Variants in GRIN2B observed in about 807,000 individuals in gnomAD.
GRIN2B encodes glutamate receptor ionotropic, NMDA 2B.
GRIN2B carries 5 observed loss-of-function variants against 114.5 expected under a neutral mutation model. The ratio of observed to expected loss-of-function variants is 0.04; its 90% CI spans 0.02 to 0.09. The LOEUF (loss-of-function observed/expected upper bound fraction) is 0.09, where lower values mean the gene tolerates loss of function less well. Ranked by LOEUF, GRIN2B falls within the 10% of genes least tolerant of loss-of-function variation. The probability of loss-of-function intolerance (pLI) is 1.00; values close to 1 mark genes in which losing one functional copy is unlikely to be tolerated. For synonymous variants in GRIN2B, 787 were observed against 745.1 expected (o/e 1.06, Z -0.92); for missense variants, 1,108 against 1,943.5 (o/e 0.57, Z 8.08).
intron 9 of GRIN2B, among the ~76,000 whole-genome samples, chr12:13,609,770 C>T (rs1202049324): frequency 1.5e-5 from 2 of 135,790 alleles, no homozygotes; most frequent in Non-Finnish European, 3.2e-5. Flanking sequence ...AAGACTCTGT[C>T]TCAAAAAAAA....
rs556518056 is a variant in GRIN2B at position 13,817,002 on chromosome 12, A to C, written c.411+48796T>G. ...ATTTTCTTTTGTCTGCCTGGATGCC[A>C]GCATACAAATACAAAGGATTCAATT... On this transcript the variant is annotated intron_variant, in intron 3 of 13. Transcript: ENST00000609686. 3.9e-5 allele frequency among the ~76,000 whole-genome samples: 6 copies of C among 152,274 alleles called. No homozygotes were observed. In the East Asian group the frequency reaches 1.2e-3, roughly 29 times the overall value.
intron 2 of GRIN2B, among the ~76,000 whole-genome samples, chr12:13,971,106 A>G (rs999583230): frequency 9.9e-5 from 15 of 152,214 alleles, no homozygotes; most frequent in African/African-American, 3.6e-4. Context: ...GGGGCCAGCC[A>G]GTAGATATTT....
At position 13,543,889 on chromosome 12, in the gene GRIN2B, T is replaced by C. The variant is rs774771661; in HGVS notation, c.*18894A>G. The C allele has an allele frequency of 6.6e-6, 1 of 150,684 alleles. No homozygotes were observed. Among genetic ancestry groups the C allele is most frequent in the Non-Finnish European group, 1.5e-5 (1 of 67,324 alleles). 9.3% of individuals were successfully genotyped at this position (150,684 alleles called of 1,614,324 possible). ...TCCCTGCTATTAATACAAACAAACC[T>C]GGTTAGTCCCCTGAAGCCAGTCCCT... On this transcript the variant is annotated 3_prime_UTR_variant, in exon 14 of 14. Transcript: ENST00000609686.
At position 13,547,217 on chromosome 12, in the gene GRIN2B, A is replaced by G. The variant is rs1948355505; in HGVS notation, c.*15566T>C. ...AGAGCTGCCAGGAGGCTGGGAGGTG[A>G]GGAAGGGTTTCCAAGTAAGGAGCTT... On this transcript the variant is annotated 3_prime_UTR_variant, in exon 14 of 14. Transcript: ENST00000609686. 1 of 152,206 alleles carries G rather than the reference A, an allele frequency of 6.6e-6. No homozygotes were observed. Among genetic ancestry groups the G allele is most frequent in the Admixed American group, 6.6e-5 (1 of 15,266 alleles). 9.4% of individuals were successfully genotyped at this position (152,206 alleles called of 1,614,324 possible). A position where few individuals can be genotyped will look rare whatever the true frequency, so the allele number is the denominator to read the frequency against.
intron 10 of GRIN2B, among the ~76,000 whole-genome samples, chr12:13,589,390 C>T (rs1028034984): frequency 1.3e-5 from 2 of 152,180 alleles, no homozygotes; most frequent in Non-Finnish European, 2.9e-5. Context: ...TTTGAGATAA[C>T]AAAACAGAGC....
chr12:13,864,560 G>A (rs944732708), intron 3 of GRIN2B, among the ~76,000 whole-genome samples: 5 of 152,174 alleles, frequency 3.3e-5, no homozygotes, highest in Non-Finnish European at 5.9e-5. Context: ...ATGGCTGGCT[G>A]CAAAGGACAG....
At position 13,580,331 on chromosome 12, in the gene GRIN2B, C is replaced by G. The variant is rs138546022; in HGVS notation, c.2011-8367G>C. Among the ~76,000 whole-genome samples the G allele has an allele frequency of 5.1e-4, 78 of 152,310 alleles. 1 individual carries two copies. The Middle Eastern group carries it at 0.01, about 20-fold the overall frequency. ...TCAGTCTGTGTCCAATCAGCATATG[C>G]AGATTAGGACAAACCAGTGCTGTGA... On this transcript the variant is annotated intron_variant, in intron 10 of 13. Transcript: ENST00000609686.
chr12:13,690,402 TG>T (rs1316501689), intron 4 of GRIN2B, among the ~76,000 whole-genome samples: 44 of 150,696 alleles, frequency 2.9e-4, no homozygotes, highest in Non-Finnish European at 4.9e-4. Context: ...CACATGCAAC[TG>T]GCATTGAGTA....
intron 4 of GRIN2B, among the ~76,000 whole-genome samples, chr12:13,699,496 T>C (rs1184889791): frequency 1.3e-5 from 2 of 152,174 alleles, no homozygotes; most frequent in Non-Finnish European, 2.9e-5. Flanking sequence ...AAAGGAAACT[T>C]GTCTGTTGAA....
At chr12:13,588,181 C>T (rs1021108871) in intron 10 of GRIN2B, among the ~76,000 whole-genome samples, 8 of 152,090 alleles carry the variant, frequency 5.3e-5, no homozygotes, top group Admixed American at 5.2e-4. Flanking sequence ...GAGAAGGTAG[C>T]CTACTTCAAA....
intron 5 of GRIN2B, among the ~76,000 whole-genome samples, chr12:13,657,266 G>C (rs1167259932): frequency 2.0e-5 from 3 of 152,282 alleles, no homozygotes; most frequent in African/African-American, 7.2e-5. Flanking sequence ...TGGGGAATTG[G>C]GGATATTCCA....
In GRIN2B at chr12:13,551,071, C is replaced by T. The variant is rs1948405968; in HGVS notation, c.*11712G>A. 6.6e-6 allele frequency: 1 copy of T among 151,792 alleles called. No individual in the cohort carries two copies. Among genetic ancestry groups the T allele is most frequent in the South Asian group, 2.1e-4 (1 of 4,808 alleles). 9.4% of individuals were successfully genotyped at this position (151,792 alleles called of 1,614,324 possible). ...GTTCCACCTCCACCTAGATGCTTCA[C>T]TATCCTCCTTGCTTCCTGCCTATGT... On this transcript the variant is annotated 3_prime_UTR_variant, in exon 14 of 14. Transcript: ENST00000609686.
At chr12:13,946,807 A>T (rs76535914) in intron 2 of GRIN2B, among the ~76,000 whole-genome samples, 5,816 of 152,296 alleles carry the variant, frequency 0.038, 379 homozygotes, top group African/African-American at 0.13. Flanking sequence ...ATATATAAAA[A>T]TGTATTATTA....
Position 13,717,616 on chromosome 12 carries a change from G to A in GRIN2B, c.1010+35701C>T, listed in dbSNP as rs137959560. On this transcript the variant is annotated intron_variant, in intron 4 of 13. Transcript: ENST00000609686. ...TTTGTTGAATGATAATGCAGTAGAC[G>A]CGCGAGAACCCACAAGAACTCACAA... is the stretch of plus-strand genomic sequence containing the variant. 2.9e-3 allele frequency among the ~76,000 whole-genome samples: 438 copies of A among 152,000 alleles called. 1 individual carries two copies. The highest frequency in any genetic ancestry group is 9.6e-3 in the African/African-American group (397 of 41,490).
At chr12:13,572,010 G>C (rs1948715231) in intron 10 of GRIN2B, 46 bp from the exon 11 acceptor site, 2 of 1,436,222 alleles carry the variant, frequency 1.4e-6, no homozygotes, top group Non-Finnish European at 1.9e-6. Context: ...GATGGAGGGA[G>C]AGAGAGAGAG....
intron 4 of GRIN2B, among the ~76,000 whole-genome samples, chr12:13,682,062 T>C (rs11831620): frequency 0.16 from 24,417 of 152,136 alleles, 2,395 homozygotes; most frequent in African/African-American, 0.27. Flanking sequence ...GGCAAAGATA[T>C]TTAAAAATTA....
chr12:13,932,952 C>CGTGTGTGT (rs5796568), intron 2 of GRIN2B, among the ~76,000 whole-genome samples: 53 of 148,792 alleles, frequency 3.6e-4, no homozygotes, highest in Admixed American at 1.5e-3. Flanking sequence ...AGGGCTTTGT[C>CGTGTGTGT]GTGTGTGTGT....
At chr12:13,662,424 A>C (rs1949933449) in intron 5 of GRIN2B, among the ~76,000 whole-genome samples, 1 of 152,186 alleles carries the variant, frequency 6.6e-6, no homozygotes, top group African/African-American at 2.4e-5. Context: ...TTAACTAGCA[A>C]CTTATTTAAA....
intron 4 of GRIN2B, among the ~76,000 whole-genome samples, chr12:13,737,030 C>CAAAAAA (rs368902113): frequency 4.0e-5 from 4 of 100,508 alleles, no homozygotes; most frequent in African/African-American, 3.9e-5. Context: ...AACTCCATCT[C>CAAAAAA]AAAAAAAAAA....
Sources: gnomAD v4.1 joint callset for allele counts (sites outside exome capture counted in the v4.1 genomes callset) on GRCh38, gnomAD v4.1.1 for gene constraint, MANE v1.5 for transcripts, NCBI Gene and HGNC (gene_info 2026-07-23, HGNC 2026-07-21) for gene names.